Variants in ARHGEF26 observed in about 807,000 individuals in gnomAD.
ARHGEF26 encodes the protein Rho guanine nucleotide exchange factor 26.
In ARHGEF26, 59 loss-of-function variants were observed where a neutral mutation model predicts 89.4. The observed-to-expected ratio is 0.66, with a 90% CI of 0.54 to 0.82. The LOEUF (loss-of-function observed/expected upper bound fraction) is 0.82. Among genes scored for constraint, ARHGEF26 ranks in the 40% least tolerant of loss-of-function variants. The pLI, the probability that ARHGEF26 is intolerant of heterozygous loss-of-function variation, is 0.00. For synonymous variants in ARHGEF26, 500 were observed against 428.4 expected, an observed-to-expected ratio of 1.17 and a Z score of -2.06; for missense variants, 1,234 against 1,085.6, an observed-to-expected ratio of 1.14 and a Z score of -1.92.
intron 11 of ARHGEF26, among the ~76,000 whole-genome samples, chr3:154,240,144 T>C (rs1441278556): frequency 6.6e-6 from 1 of 152,144 alleles, no homozygotes; most frequent in Non-Finnish European, 1.5e-5. Flanking sequence ...TGCAATTTAG[T>C]GTGTTACATC....
At chr3:154,162,749 A>G (rs1711744811) in intron 6 of ARHGEF26, among the ~76,000 whole-genome samples, 1 of 152,070 alleles carries the variant, frequency 6.6e-6, no homozygotes, top group Non-Finnish European at 1.5e-5. Context: ...CAGGGTTGAC[A>G]CTTACCTCGC....
At chr3:154,121,824 G>A in intron 1 of ARHGEF26, 118 bp from the exon 2 acceptor site, 1 of 906,830 alleles carries the variant, frequency 1.1e-6, no homozygotes, top group Non-Finnish European at 1.6e-6. Flanking sequence ...GGGCGGGTAA[G>A]TGCGGTGCAG....
chr3:154,190,277 C>T (rs1391344287), intron 7 of ARHGEF26, among the ~76,000 whole-genome samples: 3 of 152,040 alleles, frequency 2.0e-5, no homozygotes, highest in East Asian at 1.9e-4. Context: ...TTTGGGAGGC[C>T]GAGGCAGGTG....
rs1187688854 is a variant in ARHGEF26, at chr3:154,125,807, A to G, written c.1123+1358A>G. Among the ~76,000 whole-genome samples the G allele has an allele frequency of 3.3e-5, 5 of 152,216 alleles. No homozygotes were observed. In the South Asian group the frequency reaches 6.2e-4, roughly 19 times the overall value. ...TTTTTTCATGTACATACATATGTAC[A>G]TGAGGAATGCAGGATTCTTACAGTT... On this transcript the variant is annotated intron_variant, in intron 3 of 14. Transcript: ENST00000465093.
chr3:154,216,337 A>G (rs1393916475), intron 9 of ARHGEF26, among the ~76,000 whole-genome samples: 1 of 151,968 alleles, frequency 6.6e-6, no homozygotes, highest in South Asian at 2.1e-4. Context: ...AACGACTGTG[A>G]AAGTCCTTTA....
chr3:154,152,563 A>C (rs1257338414), intron 5 of ARHGEF26, among the ~76,000 whole-genome samples: 3 of 152,110 alleles, frequency 2.0e-5, no homozygotes, highest in African/African-American at 4.8e-5. Context: ...ATTTACAGAT[A>C]GTGATTATTT....
rs185323660 is a variant in ARHGEF26, at chr3:154,147,789, C to T, written c.1270-1600C>T. ...CATTCTTTTTCCCCTTCTTTTCTTC[C>T]TTTTCCTTTCTTCCTCCCTCCCTTC... On this transcript the variant is annotated intron_variant, in intron 4 of 14. Coordinates refer to ENST00000465093, the MANE Select transcript of ARHGEF26 (RefSeq NM_015595.4). 5.1e-3 allele frequency among the ~76,000 whole-genome samples: 769 copies of T among 152,122 alleles called. 5 individuals are homozygous for T. The highest frequency in any genetic ancestry group is 0.017 in the African/African-American group (711 of 41,494).
intron 2 of ARHGEF26, among the ~76,000 whole-genome samples, chr3:154,123,887 C>G (rs1718157487): frequency 6.9e-6 from 1 of 145,228 alleles, no homozygotes; most frequent in South Asian, 2.3e-4. Context: ...GTGCTTCCTT[C>G]CACAGAAACA....
At chr3:154,164,188 A>T (rs1711846401) in intron 6 of ARHGEF26, among the ~76,000 whole-genome samples, 1 of 152,034 alleles carries the variant, frequency 6.6e-6, no homozygotes, top group Non-Finnish European at 1.5e-5. Context: ...CTCACAGCAA[A>T]ATATTTTAAT....
chr3:154,227,892 CTT>C (rs1716590222), intron 11 of ARHGEF26, among the ~76,000 whole-genome samples: 1 of 152,132 alleles, frequency 6.6e-6, no homozygotes, highest in Non-Finnish European at 1.5e-5. Flanking sequence ...ACTTTGGTGA[CTT>C]AATGAAAATA....
intron 14 of ARHGEF26, 69 bp downstream of exon 14, chr3:154,254,893 C>A (rs952838082): frequency 2.3e-6 from 3 of 1,286,432 alleles, no homozygotes; most frequent in African/African-American, 2.9e-5. Flanking sequence ...CGAGGAGTGT[C>A]ATTTTGTCAT....
chr3:154,139,702 A>G (rs1443080601), intron 4 of ARHGEF26, among the ~76,000 whole-genome samples: 1 of 152,146 alleles, frequency 6.6e-6, no homozygotes, highest in Non-Finnish European at 1.5e-5. Context: ...GTCACCTTTA[A>G]AATTACTATT....
chr3:154,136,791 T>G (rs149550201), intron 4 of ARHGEF26, among the ~76,000 whole-genome samples: 1 of 152,360 alleles, frequency 6.6e-6, no homozygotes, highest in Admixed American at 6.5e-5. Flanking sequence ...AGTTTTATAA[T>G]TTTTCATTTA....
intron 6 of ARHGEF26, among the ~76,000 whole-genome samples, chr3:154,166,084 C>G (rs1049592362): frequency 5.3e-5 from 8 of 152,012 alleles, no homozygotes; most frequent in African/African-American, 1.9e-4. Flanking sequence ...CTCTATTGCC[C>G]AGGCTGGAGT....
intron 3 of ARHGEF26, 139 bp downstream of exon 3, chr3:154,124,588 T>C: frequency 5.3e-6 from 4 of 749,682 alleles, no homozygotes; most frequent in South Asian, 2.4e-5. Flanking sequence ...AGTCCAAAGC[T>C]TCTCACTAAG....
chr3:154,164,160 A>AT (rs1181199549), intron 6 of ARHGEF26, among the ~76,000 whole-genome samples: 5 of 152,120 alleles, frequency 3.3e-5, no homozygotes, highest in Non-Finnish European at 5.9e-5. Flanking sequence ...TTAGGTGCTG[A>AT]TATAAATACT....
chr3:154,144,527 C>A (rs116423218), intron 4 of ARHGEF26, among the ~76,000 whole-genome samples: 1 of 152,110 alleles, frequency 6.6e-6, no homozygotes, highest in African/African-American at 2.4e-5. Flanking sequence ...AAGTAATGCA[C>A]GTTTATTTCC....
In ARHGEF26 at chr3:154,240,696, T is replaced by TA. The variant is rs1432992961; in HGVS notation, c.2300+118dup. 1.3e-5 allele frequency: 11 copies of TA among 841,160 alleles called. No individual in the cohort carries two copies. The African/African-American group carries it at 1.7e-4, about 13-fold the overall frequency. The allele number at this position is 841,160 out of a possible 1,614,324, so 52.1% of individuals were successfully genotyped here. ...ACTATTCATGTTTTTGTTGAGCACC[T>TA]ACTGTTCGCTAAGCACTATGACTGG... is the stretch of plus-strand genomic sequence containing the variant. On this transcript the variant is annotated intron_variant, in intron 12 of 14. Coordinates refer to ENST00000465093, the MANE Select transcript of ARHGEF26 (RefSeq NM_015595.4).
intron 9 of ARHGEF26, among the ~76,000 whole-genome samples, chr3:154,200,733 TA>T (rs1205540301): frequency 6.6e-6 from 1 of 151,732 alleles, no homozygotes; most frequent in East Asian, 1.9e-4. Flanking sequence ...GAACATGGAA[TA>T]TTTTTTAATT....
Sources: gnomAD v4.1 joint callset for allele counts (sites outside exome capture counted in the v4.1 genomes callset) on GRCh38, gnomAD v4.1.1 for gene constraint, MANE v1.5 for transcripts, NCBI Gene and HGNC (gene_info 2026-07-23, HGNC 2026-07-21) for gene names.